The following FAH variants were observed in gnomAD, a reference collection of about 807,000 sequenced individuals.
FAH encodes the protein fumarylacetoacetate hydrolase.
A neutral mutation model predicts 55.8 loss-of-function variants in FAH; 47 were observed. The ratio of observed to expected loss-of-function variants is 0.84; its 90% confidence interval spans 0.67 to 1.07. FAH has a LOEUF of 1.07. Among genes scored for constraint, FAH ranks in the 50% least tolerant of loss-of-function variants. The pLI is 0.00. For missense variants in FAH, 495 were observed against 545.9 expected (o/e 0.91, Z 0.93); for synonymous variants, 199 against 207.7 (o/e 0.96, Z 0.36).
At chr15:80,155,312 G>A (rs1055538517) in intron 1 of FAH, among the ~76,000 whole-genome samples, 10 of 152,166 alleles carry the variant, frequency 6.6e-5, no homozygotes, top group Non-Finnish European at 1.5e-5. Context: ...AATCTTTGTG[G>A]CATGAATAGC....
chr15:80,163,534 G>T (rs915627974), intron 5 of FAH: 2 of 152,198 alleles, frequency 1.3e-5, no homozygotes, highest in African/African-American at 2.4e-5. Context: ...GAGTGTGGGG[G>T]CCGCAGCCAT....
chr15:80,154,220 A>C (rs190125679), intron 1 of FAH, among the ~76,000 whole-genome samples: 3 of 152,334 alleles, frequency 2.0e-5, no homozygotes, highest in Admixed American at 1.3e-4. Flanking sequence ...CTTTCTGCAG[A>C]CAGAGCCCTC....
intron 2 of FAH, among the ~76,000 whole-genome samples, chr15:80,159,080 A>T (rs62006328): frequency 0.052 from 7,958 of 152,104 alleles, 312 homozygotes; most frequent in Non-Finnish European, 0.076. Flanking sequence ...TCTACTAAAA[A>T]TACAAAAATT....
chr15:80,160,551 G>A (rs771784578), intron 4 of FAH, 92 bp downstream of exon 4: 1 of 1,196,096 alleles, frequency 8.4e-7, no homozygotes, highest in East Asian at 2.3e-5. Flanking sequence ...CTGTGTGGAG[G>A]GTCCCTGCTG....
At chr15:80,160,741 C>A (rs111852050) in intron 4 of FAH, among the ~76,000 whole-genome samples, 1 of 152,312 alleles carries the variant, frequency 6.6e-6, no homozygotes, top group South Asian at 2.1e-4. Context: ...TTTCCTTCCC[C>A]CAAAGGCTAT....
intron 1 of FAH, chr15:80,157,847 G>A (rs976407071): frequency 2.0e-5 from 12 of 603,020 alleles, no homozygotes; most frequent in Non-Finnish European, 3.2e-5. Context: ...CCCATTCAGG[G>A]AACACAGATT....
chr15:80,186,341 A>G lies in FAH; in HGVS notation c.*132A>G, dbSNP rs1252537348. 8 of 751,024 alleles carry G rather than the reference A, an allele frequency of 1.1e-5. No homozygotes were observed. The highest frequency in any genetic ancestry group is 5.1e-5 in the African/African-American group (3 of 58,400). The allele number at this position is 751,024 out of a possible 1,614,324, so 46.5% of individuals were successfully genotyped here. On this transcript the variant is annotated 3_prime_UTR_variant, in exon 14 of 14. Transcript: ENST00000561421. Reference sequence around the variant, plus strand: ...AAAGCCATTGTGCTCTGAGGCCTGCACTGCCGCAGATGCAGCTGTGTCCAC... The same window carrying G: ...AAAGCCATTGTGCTCTGAGGCCTGCGCTGCCGCAGATGCAGCTGTGTCCAC...
chr15:80,184,079 A>G (rs1010567474), intron 13 of FAH, among the ~76,000 whole-genome samples: 1 of 152,222 alleles, frequency 6.6e-6, no homozygotes, highest in African/African-American at 2.4e-5. Flanking sequence ...GGTTTAACTC[A>G]TCCATCCCCT....
chr15:80,179,319 T>C (rs1000543874), intron 11 of FAH, among the ~76,000 whole-genome samples: 8 of 152,248 alleles, frequency 5.3e-5, no homozygotes, highest in African/African-American at 1.7e-4. Flanking sequence ...ATCCTCTGAA[T>C]CATTGAACTA....
chr15:80,160,718 C>T (rs1289538877), intron 4 of FAH, among the ~76,000 whole-genome samples: 1 of 152,204 alleles, frequency 6.6e-6, no homozygotes, highest in Non-Finnish European at 1.5e-5. Context: ...TGGCTCCCTG[C>T]ACAGCAAATT....
chr15:80,180,380 G>A (rs1014340642), intron 12 of FAH, 155 bp downstream of exon 12: 8 of 660,526 alleles, frequency 1.2e-5, no homozygotes, highest in Non-Finnish European at 1.9e-5. Flanking sequence ...CTCTCTGGGT[G>A]CAGGAGGGAC....
At chr15:80,178,315 C>T (rs1483808191) in intron 11 of FAH, among the ~76,000 whole-genome samples, 3 of 152,238 alleles carry the variant, frequency 2.0e-5, no homozygotes, top group East Asian at 1.9e-4. Context: ...TTTCCAGCAC[C>T]TCAGCAGCCC....
chr15:80,154,166 A>G (rs2041078815), intron 1 of FAH, among the ~76,000 whole-genome samples: 2 of 152,216 alleles, frequency 1.3e-5, no homozygotes, highest in South Asian at 4.1e-4. Flanking sequence ...CCTGGAGGAC[A>G]CAATCTGAGG....
chr15:80,178,132 C>A (rs532749964), intron 11 of FAH, among the ~76,000 whole-genome samples: 1 of 151,924 alleles, frequency 6.6e-6, no homozygotes, highest in African/African-American at 2.4e-5. Context: ...CCCAGGAGGT[C>A]GAGGCTGCAG....
intron 5 of FAH, among the ~76,000 whole-genome samples, chr15:80,164,135 A>G (rs999959995): frequency 2.0e-5 from 3 of 152,256 alleles, no homozygotes; most frequent in African/African-American, 7.2e-5. Context: ...ATTCTCTTCT[A>G]GTTCCGGAGG....
At chr15:80,166,725 C>G (rs1300486291) in intron 5 of FAH, among the ~76,000 whole-genome samples, 1 of 151,222 alleles carries the variant, frequency 6.6e-6, no homozygotes, top group Non-Finnish European at 1.5e-5. Context: ...CAAGCTTCGC[C>G]TCCCAGGTTC....
chr15:80,185,111 A>G (rs182448646), intron 13 of FAH, among the ~76,000 whole-genome samples: 1 of 152,312 alleles, frequency 6.6e-6, no homozygotes, highest in Admixed American at 6.5e-5. Context: ...TTTCACTGAA[A>G]TATTTAGTCT....
At chr15:80,162,173 A>G (rs544132502) in intron 4 of FAH, 73 bp from the exon 5 acceptor site, 2 of 1,159,384 alleles carry the variant, frequency 1.7e-6, no homozygotes, top group South Asian at 2.4e-5. Flanking sequence ...TCGTGGCTCC[A>G]GTGCTTGGAA....
intron 4 of FAH, among the ~76,000 whole-genome samples, chr15:80,161,491 A>G (rs2142093400): frequency 6.6e-6 from 1 of 152,156 alleles, no homozygotes; most frequent in East Asian, 1.9e-4. Flanking sequence ...TTAGGAAGAT[A>G]AAACAGGCAG....
Sources: gnomAD v4.1 joint callset for allele counts (sites outside exome capture counted in the v4.1 genomes callset) on GRCh38, gnomAD v4.1.1 for gene constraint, MANE v1.5 for transcripts, NCBI Gene and HGNC (gene_info 2026-07-23, HGNC 2026-07-21) for gene names.